ABCB9: variants seen among roughly 807,000 people sequenced by gnomAD.
The protein encoded by ABCB9 is ATP binding cassette subfamily B member 9, also known as ABC-type oligopeptide transporter ABCB9.
In ABCB9, 36 loss-of-function variants were observed where a neutral mutation model predicts 62.0. The ratio of observed to expected loss-of-function variants is 0.58; its 90% CI spans 0.45 to 0.77. ABCB9 has a LOEUF of 0.77. Among genes scored for constraint, ABCB9 ranks in the 30% least tolerant of loss-of-function variants. The pLI is 0.00. For synonymous variants in ABCB9, 435 were observed against 461.4 expected, an observed-to-expected ratio of 0.94 and a Z score of 0.73; for missense variants, 943 against 1,054.7, an observed-to-expected ratio of 0.89 and a Z score of 1.47.
chr12:122,924,291 T>C (rs1325027681), downstream of ABCB9, among the ~76,000 whole-genome samples: 1 of 152,250 alleles, frequency 6.6e-6, no homozygotes, highest in Non-Finnish European at 1.5e-5. Flanking sequence ...CCCTGTCTGT[T>C]AAATGAGGTG....
At chr12:122,961,273 C>T (rs1192365630) in intron 1 of ABCB9, among the ~76,000 whole-genome samples, 3 of 152,020 alleles carry the variant, frequency 2.0e-5, no homozygotes, top group East Asian at 1.9e-4. Flanking sequence ...CCGCAACCTC[C>T]GTCTCCCTGG....
At chr12:122,953,788 C>T (rs919005687) in intron 2 of ABCB9, among the ~76,000 whole-genome samples, 16 of 152,078 alleles carry the variant, frequency 1.1e-4, no homozygotes, top group Admixed American at 8.5e-4. Flanking sequence ...TTCCAAAATG[C>T]TGGGATTACA....
chr12:122,939,691 C>T (rs545923704), intron 9 of ABCB9: 226 of 156,430 alleles, frequency 1.4e-3, no homozygotes, highest in African/African-American at 5.2e-3. Flanking sequence ...GCCACCACAC[C>T]CGGCTAATTT....
downstream of ABCB9, among the ~76,000 whole-genome samples, chr12:122,928,384 G>A (rs1315858251): frequency 1.3e-5 from 2 of 151,564 alleles, no homozygotes; most frequent in Admixed American, 6.6e-5. Flanking sequence ...CAGGAGAATC[G>A]CTTGAACTCG....
chr12:122,931,800 C>T lies in ABCB9; in HGVS notation c.2040+392G>A, dbSNP rs529529587. The T allele has an allele frequency of 5.4e-4, 122 of 225,354 alleles. 1 individual carries two copies. Among genetic ancestry groups the T allele is most frequent in the African/African-American group, 2.6e-3 (115 of 43,676 alleles). 14.0% of individuals were successfully genotyped at this position (225,354 alleles called of 1,614,324 possible). A position where few individuals can be genotyped will look rare whatever the true frequency, so the allele number is the denominator to read the frequency against. ...CTGGGATTATAGGCATGTGCTACCA[C>T]ACCTGGCTAGTTTTTGTATTTCTAG... On this transcript the variant is annotated intron_variant, in intron 11 of 11. Coordinates refer to ENST00000280560, the MANE Select transcript of ABCB9 (RefSeq NM_019625.4).
At chr12:122,973,578 G>GAAAAAAAAAAAA (rs57853191) in intron 1 of ABCB9, among the ~76,000 whole-genome samples, 15 of 50,340 alleles carry the variant, frequency 3.0e-4, no homozygotes, top group Admixed American at 6.4e-4. Flanking sequence ...CTCAAAAAAA[G>GAAAAAAAAAAAA]AAAAAAAAAA....
intron 11 of ABCB9, among the ~76,000 whole-genome samples, chr12:122,923,410 C>A (rs539497091): frequency 6.6e-6 from 1 of 152,320 alleles, no homozygotes; most frequent in African/African-American, 2.4e-5. Flanking sequence ...GCTCAGCCTC[C>A]CGAGTAGCTG....
upstream of ABCB9, among the ~76,000 whole-genome samples, chr12:122,967,008 A>G (rs2037200814): frequency 6.6e-6 from 1 of 152,244 alleles, no homozygotes; most frequent in Non-Finnish European, 1.5e-5. Context: ...CTGACATTCT[A>G]GTGAGGGTGT....
intron 9 of ABCB9, among the ~76,000 whole-genome samples, chr12:122,935,982 A>G (rs2035439496): frequency 1.3e-5 from 2 of 152,094 alleles, no homozygotes; most frequent in African/African-American, 2.4e-5. Context: ...GAGGCAGGAG[A>G]ATGGCTTTAG....
chr12:122,963,183 A>G (rs1472083580), intron 1 of ABCB9, among the ~76,000 whole-genome samples: 1 of 152,222 alleles, frequency 6.6e-6, no homozygotes, highest in Non-Finnish European at 1.5e-5. Context: ...CTGTAACCCC[A>G]GCAACTCAGG....
chr12:122,974,712 C>T (rs2037353685), intron 1 of ABCB9: 1 of 152,440 alleles, frequency 6.6e-6, no homozygotes, highest in African/African-American at 2.4e-5. Context: ...TGGAGACACT[C>T]ACTGGGGCAA....
downstream of ABCB9, among the ~76,000 whole-genome samples, chr12:122,919,877 G>GTTTA (rs1566142548): frequency 1.6e-5 from 2 of 121,780 alleles, no homozygotes; most frequent in South Asian, 2.8e-4. Context: ...TCATCTGTTT[G>GTTTA]TTTGTTTATT....
At chr12:122,963,429 C>A (rs1375344605) in intron 1 of ABCB9, among the ~76,000 whole-genome samples, 1 of 152,146 alleles carries the variant, frequency 6.6e-6, no homozygotes. Context: ...GCTCCAGGCA[C>A]TTACATGCGT....
rs2135747556 is a variant in ABCB9, at chr12:122,929,643, C to T, written c.*268G>A. The T allele has an allele frequency of 8.1e-7, 1 of 1,229,994 alleles. No individual in the cohort carries two copies. The highest frequency in any genetic ancestry group is 1.0e-6 in the Non-Finnish European group (1 of 985,542). 76.2% of individuals were successfully genotyped at this position (1,229,994 alleles called of 1,614,324 possible). A position where few individuals can be genotyped will look rare whatever the true frequency, so the allele number is the denominator to read the frequency against. ...CCAAACAGTAAAAACCCTGGTAAGA[C>T]CTAGGTTTAAAAAGGCAGCTCTACC... On this transcript the variant is annotated 3_prime_UTR_variant, in exon 12 of 12. Coordinates refer to ENST00000280560, the MANE Select transcript of ABCB9 (RefSeq NM_019625.4). The surrounding 1 kb of genome is among the most constrained non-coding windows in gnomAD (Gnocchi z 6.0).
Position 122,959,005 on chromosome 12 carries a change from G to C in ABCB9, c.601+630C>G, listed in dbSNP as rs954182049. Among the ~76,000 whole-genome samples, 1 of 150,192 alleles carries C rather than the reference G, an allele frequency of 6.7e-6. No individual in the cohort carries two copies. Among genetic ancestry groups the C allele is most frequent in the Non-Finnish European group, 1.5e-5 (1 of 67,594 alleles). Reference sequence around the variant, plus strand: ...CCACCTTGGCCTCCCAAAGTGCTGGGATTACAGGCGTGAGCCACCGCGCCT... The same window carrying C: ...CCACCTTGGCCTCCCAAAGTGCTGGCATTACAGGCGTGAGCCACCGCGCCT... On this transcript the variant is annotated intron_variant, in intron 2 of 11. Transcript: ENST00000280560. The surrounding 1 kb of genome is among the most constrained non-coding windows in gnomAD (Gnocchi z 5.4).
intron 2 of ABCB9, among the ~76,000 whole-genome samples, chr12:122,956,386 C>T (rs557526474): frequency 3.9e-5 from 6 of 152,314 alleles, no homozygotes; most frequent in African/African-American, 1.4e-4. Context: ...AGAGGTAGAT[C>T]GTAGGAGTAC....
chr12:122,925,298 C>T (rs904140211), downstream of ABCB9, among the ~76,000 whole-genome samples: 4 of 152,120 alleles, frequency 2.6e-5, no homozygotes, highest in Non-Finnish European at 4.4e-5. Context: ...AATTGCAACC[C>T]TCATGGATTG....
intron 1 of ABCB9, among the ~76,000 whole-genome samples, chr12:122,972,323 T>C (rs1302097069): frequency 1.3e-5 from 2 of 152,130 alleles, no homozygotes; most frequent in East Asian, 3.9e-4. Flanking sequence ...TCATTCGTAA[T>C]GTCTTTAAAC....
At chr12:122,973,541 G>C (rs1204348634) in intron 1 of ABCB9, among the ~76,000 whole-genome samples, 1 of 125,316 alleles carries the variant, frequency 8.0e-6, no homozygotes, top group African/African-American at 3.2e-5. Flanking sequence ...TCCGCAGTCC[G>C]GCCTGGGCGA....
Sources: gnomAD v4.1 joint callset for allele counts (sites outside exome capture counted in the v4.1 genomes callset) on GRCh38, gnomAD v4.1.1 for gene constraint, Gnocchi (gnomAD v3.1) non-coding constraint, MANE v1.5 for transcripts, NCBI Gene and HGNC (gene_info 2026-07-23, HGNC 2026-07-21) for gene names.